Variants in CPA6 observed in about 807,000 individuals in gnomAD.
CPA6 encodes carboxypeptidase A6.
In CPA6, 58 loss-of-function variants were observed where a neutral mutation model predicts 63.3. The observed-to-expected ratio is 0.92, with a 90% CI of 0.74 to 1.14. The LOEUF (loss-of-function observed/expected upper bound fraction) is 1.14, where lower values mean the gene tolerates loss of function less well. CPA6 is among the 50% of genes most tolerant of loss of function. The pLI is 0.00. For missense variants in CPA6, 565 were observed against 526.6 expected, an observed-to-expected ratio of 1.07 and a Z score of -0.71; for synonymous variants, 185 against 179.0, an observed-to-expected ratio of 1.03 and a Z score of -0.27.
intron 2 of CPA6, among the ~76,000 whole-genome samples, chr8:67,595,194 G>A (rs910072525): frequency 1.1e-4 from 16 of 152,248 alleles, no homozygotes; most frequent in African/African-American, 3.4e-4. Context: ...GCAGAACTGC[G>A]GATTTTCGTG....
intron 1 of CPA6, among the ~76,000 whole-genome samples, chr8:67,664,085 C>A (rs900408540): frequency 4.6e-5 from 7 of 152,194 alleles, no homozygotes; most frequent in African/African-American, 1.7e-4. Flanking sequence ...TTAAAGTTCT[C>A]ATCTTAAAGT....
chr8:67,478,486 G>T (rs1440043504), intron 8 of CPA6, among the ~76,000 whole-genome samples: 2 of 152,120 alleles, frequency 1.3e-5, no homozygotes. Flanking sequence ...TGAGGTTGGG[G>T]GCAATCTTGT....
intron 2 of CPA6, among the ~76,000 whole-genome samples, chr8:67,622,545 C>T (rs74545252): frequency 0.02 from 3,005 of 152,186 alleles, 45 homozygotes; most frequent in African/African-American, 0.035. Flanking sequence ...GAACTCAATA[C>T]TATTTGTATA....
intron 1 of CPA6, among the ~76,000 whole-genome samples, chr8:67,709,144 A>G (rs1260509468): frequency 6.6e-6 from 1 of 152,174 alleles, no homozygotes; most frequent in Non-Finnish European, 1.5e-5. Flanking sequence ...TCAAATGAGC[A>G]CAACCTCAGT....
chr8:67,422,567 G>A lies in CPA6; in HGVS notation c.1251C>T (p.Thr417=). 1 of 1,614,166 alleles carries A rather than the reference G, an allele frequency of 6.2e-7. No individual in the cohort carries two copies. Among genetic ancestry groups the A allele is most frequent in the Non-Finnish European group, 8.5e-7 (1 of 1,180,014 alleles). The change falls in exon 11 of 11, where the codon ACC becomes ACT. Residue 417 remains threonine (T), a synonymous_variant. Transcript: ENST00000297770. Reference sequence around the variant, plus strand: ...TCACAGCCAGCATAGTTTCTGTACAGGTGGGTTTGATGAGCATCTCTGGGA... The same window carrying A: ...TCACAGCCAGCATAGTTTCTGTACAAGTGGGTTTGATGAGCATCTCTGGGA... ...FLLPEMLIKP[T]CTETMLAVKN...
Position 67,746,135 on chromosome 8 carries a change from T to C in CPA6, c.-6A>G, listed in dbSNP as rs1818006071. 1 of 1,606,624 alleles carries C rather than the reference T, an allele frequency of 6.2e-7. No homozygotes were observed. The highest frequency in any genetic ancestry group is 8.5e-7 in the Non-Finnish European group (1 of 1,174,926). ...CGCTTCCCGAGACACTTCATAGTGT[T>C]AAGAAGAGAGGAGTTGAAAGTTACT... On this transcript the variant is annotated 5_prime_UTR_variant, in exon 1 of 11. Coordinates refer to ENST00000297770, the MANE Select transcript of CPA6 (RefSeq NM_020361.5).
chr8:67,593,331 T>C (rs1199636086), intron 2 of CPA6, among the ~76,000 whole-genome samples: 3 of 151,454 alleles, frequency 2.0e-5, no homozygotes, highest in African/African-American at 7.3e-5. Flanking sequence ...GGAATAGGTG[T>C]GGTGTGGTGC....
chr8:67,635,043 T>C (rs527747418), intron 1 of CPA6, among the ~76,000 whole-genome samples: 1 of 151,322 alleles, frequency 6.6e-6, no homozygotes. Flanking sequence ...TGAACCACTA[T>C]GCCCTGCTAT....
At chr8:67,528,243 G>T (rs890710046) in intron 2 of CPA6, among the ~76,000 whole-genome samples, 3 of 152,166 alleles carry the variant, frequency 2.0e-5, no homozygotes, top group African/African-American at 7.2e-5. Context: ...CCAGGAGAGG[G>T]GTTGCCTATG....
intron 1 of CPA6, among the ~76,000 whole-genome samples, chr8:67,628,613 G>A (rs1416579209): frequency 2.0e-5 from 3 of 152,218 alleles, no homozygotes; most frequent in Admixed American, 2.0e-4. Flanking sequence ...CGTACACGCA[G>A]TGTTTGTTTT....
At chr8:67,620,548 T>C (rs1300542914) in intron 2 of CPA6, among the ~76,000 whole-genome samples, 1 of 152,214 alleles carries the variant, frequency 6.6e-6, no homozygotes, top group Non-Finnish European at 1.5e-5. Flanking sequence ...AAGAAGCTGT[T>C]AGCAATGCCC....
chr8:67,642,624 T>C lies in CPA6; in HGVS notation c.117-18373A>G, dbSNP rs1189820313. Among the ~76,000 whole-genome samples, 3 of 152,192 alleles carry C rather than the reference T, an allele frequency of 2.0e-5. No homozygotes were observed. In the East Asian group the frequency reaches 5.8e-4, roughly 29 times the overall value. On this transcript the variant is annotated intron_variant, in intron 1 of 10. Transcript: ENST00000297770. ...GTTATAGTAATTAGGACTGTGGAAC[T>C]GGCATGAGGGTAGTCCAATATATCA...
chr8:67,504,634 G>A (rs1179010679), intron 6 of CPA6, among the ~76,000 whole-genome samples: 1 of 152,218 alleles, frequency 6.6e-6, no homozygotes, highest in African/African-American at 2.4e-5. Context: ...GAGCTTGGAA[G>A]CACATCATCC....
rs1361452502 is a variant in CPA6 at position 67,560,897 on chromosome 8, C to T, written c.193-42850G>A. On this transcript the variant is annotated intron_variant, in intron 2 of 10. Transcript: ENST00000297770. Reference sequence around the variant, plus strand: ...ATTATAACCAAAGCCATTTTCCCTGCCCACATTTAAAACAAATAATTATCA... The same window carrying T: ...ATTATAACCAAAGCCATTTTCCCTGTCCACATTTAAAACAAATAATTATCA... 5.9e-5 allele frequency among the ~76,000 whole-genome samples: 9 copies of T among 152,234 alleles called. No homozygotes were observed. The East Asian group carries it at 1.7e-3, about 29-fold the overall frequency.
At chr8:67,648,395 A>T (rs1815763522) in intron 1 of CPA6, among the ~76,000 whole-genome samples, 1 of 152,264 alleles carries the variant, frequency 6.6e-6, no homozygotes, top group Middle Eastern at 3.4e-3. Context: ...GGCATTGCTA[A>T]GCCTTTAGGC....
chr8:67,707,075 CTT>C (rs1177623360), intron 1 of CPA6, among the ~76,000 whole-genome samples: 2 of 152,132 alleles, frequency 1.3e-5, no homozygotes, highest in African/African-American at 4.8e-5. Context: ...TTGCTTAAGA[CTT>C]TTTGTCATCC....
At chr8:67,558,477 C>T (rs1381205856) in intron 2 of CPA6, among the ~76,000 whole-genome samples, 1 of 152,122 alleles carries the variant, frequency 6.6e-6, no homozygotes, top group East Asian at 1.9e-4. Flanking sequence ...GTTTTCAGTG[C>T]TATCTAAAAT....
At position 67,601,225 on chromosome 8, in the gene CPA6, T is replaced by C. The variant is rs994329910; in HGVS notation, c.192+22951A>G. 3.3e-5 allele frequency among the ~76,000 whole-genome samples: 5 copies of C among 152,348 alleles called. No homozygotes were observed. The East Asian group carries it at 9.6e-4, about 29-fold the overall frequency. ...ATCTCTTAAAAGCTAATTTCTCACT[T>C]GGCAGAACTCTCTAGCTCAACGGTA... On this transcript the variant is annotated intron_variant, in intron 2 of 10. Transcript: ENST00000297770.
chr8:67,483,126 AT>A (rs1283892519), intron 8 of CPA6, among the ~76,000 whole-genome samples: 1 of 152,214 alleles, frequency 6.6e-6, no homozygotes, highest in Non-Finnish European at 1.5e-5. Context: ...CATTTTGATA[AT>A]AATTTTCCAT....
Sources: gnomAD v4.1 joint callset for allele counts (sites outside exome capture counted in the v4.1 genomes callset) on GRCh38, gnomAD v4.1.1 for gene constraint, MANE v1.5 for transcripts, NCBI Gene and HGNC (gene_info 2026-07-23, HGNC 2026-07-21) for gene names.